The following DERPC variants were observed in gnomAD, a reference collection of about 807,000 sequenced individuals.
DERPC encodes the protein decreased expression in renal and prostate cancer protein.
Under a neutral mutation model 7.2 loss-of-function variants are expected in DERPC, and 1 was observed. The observed-to-expected ratio is 0.14, with a 90% confidence interval of 0.05 to 0.66. The LOEUF (loss-of-function observed/expected upper bound fraction) is 0.66. Ranked by LOEUF, DERPC falls within the 30% of genes least tolerant of loss-of-function variation. DERPC has a pLI of 0.84. For synonymous variants in DERPC, 185 were observed against 117.6 expected (o/e 1.57, Z -3.71); for missense variants, 502 against 299.4 (o/e 1.68, Z -4.99).
Position 69,118,521 on chromosome 16 carries a change from T to A in DERPC, c.*333A>T, listed in dbSNP as rs775897961. On this transcript the variant is annotated 3_prime_UTR_variant, in exon 3 of 3. Transcript: ENST00000519520. ...GTGAACTGGGACCTGCAGGCCAATG[T>A]ATCCCTGAGGAAAAGTCCACAAGAA... is the stretch of plus-strand genomic sequence containing the variant. The A allele has an allele frequency of 1.0e-6, 1 of 994,580 alleles. No homozygotes were observed. The highest frequency in any genetic ancestry group is 1.6e-5 in the African/African-American group (1 of 63,120). 61.6% of individuals were successfully genotyped at this position (994,580 alleles called of 1,614,324 possible).
chr16:69,118,129 C>CCCCA lies in DERPC; in HGVS notation c.*721_*724dup. The CCCCA allele has an allele frequency of 5.5e-6, 2 of 364,368 alleles. No individual in the cohort carries two copies. Among genetic ancestry groups the CCCCA allele is most frequent in the South Asian group, 4.8e-5 (1 of 20,774 alleles). 22.6% of individuals were successfully genotyped at this position (364,368 alleles called of 1,614,324 possible). ...GTGATTTCTTCCCTTCATCCCCCAC[C>CCCCA]CCCACCCTAATTCCCATATTCCCAT... On this transcript the variant is annotated 3_prime_UTR_variant, in exon 3 of 3. Transcript: ENST00000519520.
intron 1 of DERPC, among the ~76,000 whole-genome samples, chr16:69,127,098 C>A (rs866934520): frequency 6.6e-6 from 1 of 151,992 alleles, no homozygotes; most frequent in Non-Finnish European, 1.5e-5. Context: ...ATTAGCCGCG[C>A]GTGGTGGCGG....
chr16:69,120,944 G>A lies in DERPC; in HGVS notation c.-221-295C>T. ...AGCAGAGAGCATCGCAGATTAGCTA[G>A]GCCTTGAATAACAAACCTGAGGCAG... is the stretch of plus-strand genomic sequence containing the variant. On this transcript the variant is annotated intron_variant, in intron 2 of 2. Coordinates refer to ENST00000519520, the MANE Select transcript of DERPC (RefSeq NM_001002847.4). This position sits in a 1 kb window ranked among gnomAD's most constrained non-coding sequence, Gnocchi z 4.0. 3.3e-6 allele frequency: 3 copies of A among 910,324 alleles called. No homozygotes were observed. In the South Asian group the frequency reaches 3.9e-5, roughly 12 times the overall value. The allele number at this position is 910,324 out of a possible 1,614,324, so 56.4% of individuals were successfully genotyped here. A position where few individuals can be genotyped will look rare whatever the true frequency, so the allele number is the denominator to read the frequency against.
intron 1 of DERPC, among the ~76,000 whole-genome samples, chr16:69,130,861 T>C (rs1962449871): frequency 6.6e-6 from 1 of 152,218 alleles, no homozygotes; most frequent in South Asian, 2.1e-4. Context: ...TTCATAACAG[T>C]AGAATTCAAA....
intron 1 of DERPC, among the ~76,000 whole-genome samples, chr16:69,127,596 G>A (rs945726469): frequency 3.3e-5 from 5 of 149,452 alleles, no homozygotes; most frequent in Non-Finnish European, 5.9e-5. Flanking sequence ...GAGCTCTCCC[G>A]GCAACTTTTT....
Position 69,121,641 on chromosome 16 carries a change from C to G in DERPC, c.-279-148G>C, listed in dbSNP as rs1236399342. The G allele has an allele frequency of 4.5e-5, 23 of 515,934 alleles. No homozygotes were observed. In the Middle Eastern group the frequency reaches 2.1e-3, roughly 48 times the overall value. 32.0% of individuals were successfully genotyped at this position (515,934 alleles called of 1,614,324 possible). On this transcript the variant is annotated intron_variant, in intron 1 of 2. Transcript: ENST00000519520. Reference sequence around the variant, plus strand: ...TACAGGCACCCACCACTATGGCCAGCTAACTTTTTGTATTTTTAGTAGAGA... The same window carrying G: ...TACAGGCACCCACCACTATGGCCAGGTAACTTTTTGTATTTTTAGTAGAGA...
intron 1 of DERPC, among the ~76,000 whole-genome samples, chr16:69,125,247 A>T (rs1961974611): frequency 6.6e-6 from 1 of 152,108 alleles, no homozygotes; most frequent in Non-Finnish European, 1.5e-5. Flanking sequence ...AGCAGCTAAC[A>T]TGTTTTGAAT....
At chr16:69,126,361 C>G (rs115072398) in intron 1 of DERPC, among the ~76,000 whole-genome samples, 1 of 152,138 alleles carries the variant, frequency 6.6e-6, no homozygotes, top group Non-Finnish European at 1.5e-5. Context: ...ACAATGGTGT[C>G]GAAAACACAT....
In DERPC at chr16:69,120,254, C is replaced by T; in HGVS notation, c.175G>A (p.Gly59Ser). 1 of 720,964 alleles carries T rather than the reference C, an allele frequency of 1.4e-6. No homozygotes were observed. Among genetic ancestry groups the T allele is most frequent in the South Asian group, 1.5e-5 (1 of 67,950 alleles). 44.7% of individuals were successfully genotyped at this position (720,964 alleles called of 1,614,324 possible). ...DPFLMAAGSLGGNLTPFPRNP... is the reference protein window; with the variant it reads ...DPFLMAAGSLSGNLTPFPRNP... ...CTTGGAAATGGGGTCAGATTTCCAC[C>T]AAGAGAACCGGCCGCCATAAGGAAG... Residue 59 changes from glycine (G) to serine (S), a missense_variant, in exon 3 of 3, where the codon GGT becomes AGT. Transcript: ENST00000519520. The surrounding 1 kb of genome is among the most constrained non-coding windows in gnomAD (Gnocchi z 4.0).
rs1292577233 is a variant in DERPC, at chr16:69,118,827, A to C, written c.*27T>G. 1 of 686,346 alleles carries C rather than the reference A, an allele frequency of 1.5e-6. No homozygotes were observed. The highest frequency in any genetic ancestry group is 2.7e-6 in the Non-Finnish European group (1 of 376,200). The allele number at this position is 686,346 out of a possible 1,614,324, so 42.5% of individuals were successfully genotyped here. On this transcript the variant is annotated 3_prime_UTR_variant, in exon 3 of 3. Coordinates refer to ENST00000519520, the MANE Select transcript of DERPC (RefSeq NM_001002847.4). ...CCAAGAACCACAGTGCCTAGAAACC[A>C]AGGTGGTCCTGGAGGGAAAATGGTG...
In DERPC at chr16:69,120,030, T is replaced by C. The variant is rs1961508432; in HGVS notation, c.399A>G (p.Thr133=). 1.5e-6 allele frequency: 1 copy of C among 687,580 alleles called. No homozygotes were observed. Among genetic ancestry groups the C allele is most frequent in the Non-Finnish European group, 2.6e-6 (1 of 377,552 alleles). 42.6% of individuals were successfully genotyped at this position (687,580 alleles called of 1,614,324 possible). Reference sequence around the variant, plus strand: ...GAGGCCCTGGGCCTGGCAGAGCCCCTGTCCTAGGGTTTAGGGTGGGGCCTG... The same window carrying C: ...GAGGCCCTGGGCCTGGCAGAGCCCCCGTCCTAGGGTTTAGGGTGGGGCCTG... ...PGPGPTLNPR[T]GALPGPGPLS... is the part of the protein sequence containing the mutation. Residue 133 remains threonine, a synonymous_variant, in exon 3 of 3, where the codon ACA becomes ACG. Transcript: ENST00000519520. This position sits in a 1 kb window ranked among gnomAD's most constrained non-coding sequence, Gnocchi z 4.0.
In DERPC at chr16:69,126,584, C is replaced by G. The variant is rs572344442; in HGVS notation, c.-279-5091G>C. Among the ~76,000 whole-genome samples, 32 of 152,304 alleles carry G rather than the reference C, an allele frequency of 2.1e-4. 1 individual carries two copies. Among genetic ancestry groups the G allele is most frequent in the African/African-American group, 7.5e-4 (31 of 41,568 alleles). Reference sequence around the variant, plus strand: ...TCAGGCTGGTAAAAACTTGTCTTATCCTAGAACTATTGGGATGCTGCAGAT... The same window carrying G: ...TCAGGCTGGTAAAAACTTGTCTTATGCTAGAACTATTGGGATGCTGCAGAT... On this transcript the variant is annotated intron_variant, in intron 1 of 2. Coordinates refer to ENST00000519520, the MANE Select transcript of DERPC (RefSeq NM_001002847.4).
intron 1 of DERPC, among the ~76,000 whole-genome samples, chr16:69,128,440 C>G (rs1962247119): frequency 6.6e-6 from 1 of 152,140 alleles, no homozygotes; most frequent in Non-Finnish European, 1.5e-5. Flanking sequence ...TAAAGAAAAC[C>G]AAACCTTTCC....
chr16:69,123,794 A>T (rs774250941), intron 1 of DERPC, among the ~76,000 whole-genome samples: 1 of 152,086 alleles, frequency 6.6e-6, no homozygotes. Context: ...AGATAATTAG[A>T]TAACAGACTT....
chr16:69,127,458 C>T (rs1265804019), intron 1 of DERPC, among the ~76,000 whole-genome samples: 1 of 152,064 alleles, frequency 6.6e-6, no homozygotes, highest in East Asian at 1.9e-4. Context: ...ACGACTAGAG[C>T]AATTTCTAGT....
At position 69,118,569 on chromosome 16, in the gene DERPC, A is replaced by G. The variant is rs1961350633; in HGVS notation, c.*285T>C. 1 of 764,874 alleles carries G rather than the reference A, an allele frequency of 1.3e-6. No individual in the cohort carries two copies. Among genetic ancestry groups the G allele is most frequent in the Admixed American group, 2.0e-5 (1 of 51,242 alleles). 47.4% of individuals were successfully genotyped at this position (764,874 alleles called of 1,614,324 possible). Reference sequence around the variant, plus strand: ...GAACAATTCAAGAAACTAGTAAGAAACAATGGGCAGAAAGCTGTGGGACGA... The same window carrying G: ...GAACAATTCAAGAAACTAGTAAGAAGCAATGGGCAGAAAGCTGTGGGACGA... On this transcript the variant is annotated 3_prime_UTR_variant, in exon 3 of 3. Coordinates refer to ENST00000519520, the MANE Select transcript of DERPC (RefSeq NM_001002847.4).
At position 69,128,836 on chromosome 16, in the gene DERPC, C is replaced by T. The variant is rs1013040542; in HGVS notation, c.-280+3648G>A. 1.4e-4 allele frequency among the ~76,000 whole-genome samples: 21 copies of T among 152,168 alleles called. No individual in the cohort carries two copies. In the South Asian group the frequency reaches 3.5e-3, roughly 26 times the overall value. On this transcript the variant is annotated intron_variant, in intron 1 of 2. Transcript: ENST00000519520. ...ATCCCAGCACTTTGGGAGCCCAAGG[C>T]GGGTAGATCATGAAGTCATGAGTTC...
chr16:69,119,077 G>A lies in DERPC; in HGVS notation c.1352C>T (p.Pro451Leu). The A allele has an allele frequency of 2.8e-6, 2 of 703,068 alleles. No individual in the cohort carries two copies. The highest frequency in any genetic ancestry group is 5.2e-6 in the Non-Finnish European group (2 of 385,028). The allele number at this position is 703,068 out of a possible 1,614,324, so 43.6% of individuals were successfully genotyped here. ...GATACCCACAGGGCCAGCTGGAGAA[G>A]GGCCCAGATGCCCGGCAGCTGGCCT... Reference protein sequence around the residue: ...FPRPAAGHLGPSPAGPVGINP... With the variant: ...FPRPAAGHLGLSPAGPVGINP... Residue 451 changes from proline to leucine, a missense_variant, in exon 3 of 3, where the codon CCT becomes CTT. Physicochemically the swap from Pro to Leu is moderately conservative, Grantham distance 98. Coordinates refer to ENST00000519520, the MANE Select transcript of DERPC (RefSeq NM_001002847.4).
Position 69,120,583 on chromosome 16 carries a change from A to G in DERPC, c.-155T>C, listed in dbSNP as rs1597108992. 3 of 1,614,054 alleles carry G rather than the reference A, an allele frequency of 1.9e-6. No homozygotes were observed. The South Asian group carries it at 3.3e-5, about 18-fold the overall frequency. ...GGAGTGTGTTTGACAAGGACTGCAA[A>G]AGGTTTCTCCAGGTGGATGATTTTC... On this transcript the variant is annotated 5_prime_UTR_variant, in exon 3 of 3. Coordinates refer to ENST00000519520, the MANE Select transcript of DERPC (RefSeq NM_001002847.4). The surrounding 1 kb of genome is among the most constrained non-coding windows in gnomAD (Gnocchi z 4.0).
Sources: gnomAD v4.1 joint callset for allele counts (sites outside exome capture counted in the v4.1 genomes callset) on GRCh38, gnomAD v4.1.1 for gene constraint, Gnocchi (gnomAD v3.1) non-coding constraint, MANE v1.5 for transcripts, NCBI Gene and HGNC (gene_info 2026-07-23, HGNC 2026-07-21) for gene names.